Variants in CSNK2A1 observed in about 807,000 individuals in gnomAD.
CSNK2A1 encodes casein kinase II subunit alpha.
CSNK2A1 carries 10 observed loss-of-function variants against 62.9 expected under a neutral mutation model. The observed-to-expected ratio is 0.16, with a 90% confidence interval of 0.10 to 0.27. The LOEUF is 0.27. Among genes scored for constraint, CSNK2A1 ranks in the 10% least tolerant of loss-of-function variants. CSNK2A1 has a pLI of 1.00. For synonymous variants in CSNK2A1, 124 were observed against 167.8 expected, an observed-to-expected ratio of 0.74 and a Z score of 2.02; for missense variants, 160 against 492.0, an observed-to-expected ratio of 0.33 and a Z score of 6.38.
intron 2 of CSNK2A1, among the ~76,000 whole-genome samples, chr20:524,727 A>G (rs1378310218): frequency 6.6e-6 from 1 of 150,574 alleles, no homozygotes; most frequent in South Asian, 2.1e-4. Flanking sequence ...AAAAAAAAAA[A>G]AAAGAGATAC....
chr20:529,209 A>G (rs530198738), intron 1 of CSNK2A1, among the ~76,000 whole-genome samples: 1 of 123,928 alleles, frequency 8.1e-6, no homozygotes, highest in South Asian at 2.4e-4. Flanking sequence ...TTTTTTTTGT[A>G]AAGAAGGTTT....
At chr20:543,234 C>G (rs1277130534) in intron 1 of CSNK2A1, 3 of 152,756 alleles carry the variant, frequency 2.0e-5, no homozygotes, top group Admixed American at 6.5e-5. Flanking sequence ...GGCCCCTACT[C>G]CAGCTGCCCA....
intron 1 of CSNK2A1, among the ~76,000 whole-genome samples, chr20:540,249 A>T (rs1466215482): frequency 6.6e-6 from 1 of 152,166 alleles, no homozygotes; most frequent in East Asian, 1.9e-4. Context: ...CAAGAACCTA[A>T]TGGGCTGTGG....
At position 478,461 on chromosome 20, in the gene CSNK2A1, T is replaced by C. The variant is rs1020812245; in HGVS notation, c.*5500A>G. ...AGCCCCAGCTGCTGCAGCATTTTTTTCCCTTTTTCTCATTACAGGAGCCAA... is the reference window on the plus strand; with the variant it reads ...AGCCCCAGCTGCTGCAGCATTTTTTCCCCTTTTTCTCATTACAGGAGCCAA... On this transcript the variant is annotated 3_prime_UTR_variant, in exon 14 of 14. Coordinates refer to ENST00000217244, the MANE Select transcript of CSNK2A1 (RefSeq NM_177559.3). 7 of 217,752 alleles carry C rather than the reference T, an allele frequency of 3.2e-5. No individual in the cohort carries two copies. The highest frequency in any genetic ancestry group is 1.8e-4 in the Admixed American group (3 of 16,872). The allele number at this position is 217,752 out of a possible 1,614,324, so 13.5% of individuals were successfully genotyped here.
intron 1 of CSNK2A1, among the ~76,000 whole-genome samples, chr20:542,883 C>A (rs2019483498): frequency 6.6e-6 from 1 of 152,220 alleles, no homozygotes; most frequent in Non-Finnish European, 1.5e-5. Context: ...TTCTCCTGAC[C>A]CTGACTCTGC....
At chr20:487,236 T>C (rs2018119920) in intron 12 of CSNK2A1, 191 bp downstream of exon 12, 3 of 714,136 alleles carry the variant, frequency 4.2e-6, no homozygotes, top group South Asian at 2.0e-5. Context: ...TCTTGTGTCA[T>C]GTATTCTGTT....
chr20:524,742 A>G lies in CSNK2A1; in HGVS notation c.-110+3191T>C, dbSNP rs183799223. Among the ~76,000 whole-genome samples the G allele has an allele frequency of 1.6e-3, 243 of 151,786 alleles. No homozygotes were observed. In the Middle Eastern group the frequency reaches 0.034, roughly 21 times the overall value. ...AAAAAAAAAAAAAAGAGATACATCT[A>G]AAACATGGGGTATATATTATATACA... On this transcript the variant is annotated intron_variant, in intron 2 of 13. Coordinates refer to ENST00000217244, the MANE Select transcript of CSNK2A1 (RefSeq NM_177559.3).
intron 7 of CSNK2A1, 97 bp downstream of exon 7, chr20:497,620 ATACT>A: frequency 1.0e-6 from 1 of 1,000,874 alleles, no homozygotes. Flanking sequence ...TTCTTTCAAC[ATACT>A]TTACAAAGTT....
chr20:541,966 T>C (rs1261540494), intron 1 of CSNK2A1, among the ~76,000 whole-genome samples: 2 of 152,166 alleles, frequency 1.3e-5, no homozygotes, highest in Non-Finnish European at 1.5e-5. Flanking sequence ...GGAGAACTAG[T>C]ATTGGTACTG....
At chr20:512,986 T>C (rs542295697) in intron 2 of CSNK2A1, among the ~76,000 whole-genome samples, 14 of 152,318 alleles carry the variant, frequency 9.2e-5, no homozygotes, top group African/African-American at 2.2e-4. Flanking sequence ...GTGACTACTA[T>C]GCCTGCCTTG....
intron 1 of CSNK2A1, among the ~76,000 whole-genome samples, chr20:537,220 A>G (rs1214148998): frequency 6.6e-6 from 1 of 152,226 alleles, no homozygotes; most frequent in African/African-American, 2.4e-5. Context: ...ATAAAAAATT[A>G]TAAAACATTA....
At chr20:534,559 C>A (rs1475873139) in intron 1 of CSNK2A1, among the ~76,000 whole-genome samples, 1 of 152,078 alleles carries the variant, frequency 6.6e-6, no homozygotes, top group South Asian at 2.1e-4. Context: ...CAGTGTTGGA[C>A]TCCAGATGCA....
Position 495,816 on chromosome 20 carries a change from G to A in CSNK2A1, c.427-14C>T, listed in dbSNP as rs769478335. 9.3e-6 allele frequency: 15 copies of A among 1,609,968 alleles called. No homozygotes were observed. In the Admixed American group the frequency reaches 1.3e-4, roughly 14 times the overall value. On this transcript the variant is annotated splice_polypyrimidine_tract_variant and intron_variant, in intron 7 of 13. Coordinates refer to ENST00000217244, the MANE Select transcript of CSNK2A1 (RefSeq NM_177559.3). ...ATAATCCAGGGCCTGTGGGATGAAC[G>A]GGTCAGAAAGGAGTTAGCCTGAATA...
At chr20:502,276 T>C (rs893997003) in intron 4 of CSNK2A1, 2 of 152,250 alleles carry the variant, frequency 1.3e-5, no homozygotes, top group African/African-American at 2.4e-5. Context: ...CTTCTCTTCC[T>C]GCTTCAACTA....
intron 11 of CSNK2A1, chr20:488,082 C>T: frequency 5.9e-6 from 1 of 169,012 alleles, no homozygotes; most frequent in Non-Finnish European, 1.3e-5. Context: ...ACTCTGTTGC[C>T]CAGACTGGAG....
In CSNK2A1 at chr20:477,325, A is replaced by G. The variant is rs1224394087; in HGVS notation, c.*6636T>C. 6.6e-6 allele frequency: 1 copy of G among 152,246 alleles called. No individual in the cohort carries two copies. The highest frequency in any genetic ancestry group is 1.5e-5 in the Non-Finnish European group (1 of 68,104). The allele number at this position is 152,246 out of a possible 1,614,324, so 9.4% of individuals were successfully genotyped here. On this transcript the variant is annotated 3_prime_UTR_variant, in exon 14 of 14. Coordinates refer to ENST00000217244, the MANE Select transcript of CSNK2A1 (RefSeq NM_177559.3). Reference sequence around the variant, plus strand: ...TTAATTCTCGTCCTTTGGCCTCCCCAGTAGCTAGGACACAGGCGCACACCA... The same window carrying G: ...TTAATTCTCGTCCTTTGGCCTCCCCGGTAGCTAGGACACAGGCGCACACCA...
At position 543,701 on chromosome 20, in the gene CSNK2A1, G is replaced by C; in HGVS notation, c.-256C>G. On this transcript the variant is annotated 5_prime_UTR_variant, in exon 1 of 14. Transcript: ENST00000217244. ...GGTGGAAGCGGCAGCGGCGGCGGCC[G>C]CTCTCCCCTCTGCTCACACAGACAA... The C allele has an allele frequency of 2.5e-6, 1 of 398,430 alleles. No individual in the cohort carries two copies. The highest frequency in any genetic ancestry group is 4.4e-6 in the Non-Finnish European group (1 of 226,076). 24.7% of individuals were successfully genotyped at this position (398,430 alleles called of 1,614,324 possible).
intron 11 of CSNK2A1, 102 bp downstream of exon 11, chr20:488,576 C>T: frequency 1.7e-6 from 2 of 1,187,402 alleles, no homozygotes; most frequent in South Asian, 1.3e-5. Context: ...GACATCCTGA[C>T]AGTGCTGGCA....
chr20:513,928 T>C (rs2018775780), intron 2 of CSNK2A1, among the ~76,000 whole-genome samples: 1 of 152,198 alleles, frequency 6.6e-6, no homozygotes, highest in South Asian at 2.1e-4. Flanking sequence ...AAGAAAGGTA[T>C]TCACATGAAT....
Sources: gnomAD v4.1 joint callset for allele counts (sites outside exome capture counted in the v4.1 genomes callset) on GRCh38, gnomAD v4.1.1 for gene constraint, MANE v1.5 for transcripts, NCBI Gene and HGNC (gene_info 2026-07-23, HGNC 2026-07-21) for gene names.